Variants in SLC71A2 observed in about 807,000 individuals in gnomAD.
SLC71A2 encodes solute carrier family 71 member 2, also known as hippocampus abundant transcript-like 1.
At chr9:94,444,796 T>C in the SLC71A2 span, among the ~76,000 whole-genome samples, 1 of 152,254 alleles carries the variant, frequency 6.6e-6, no homozygotes, top group Admixed American at 6.5e-5. Flanking sequence ...ATTTCTTTTG[T>C]CTTACTTAAA....
chr9:94,456,349 G>A, the SLC71A2 span: 1 of 1,606,218 alleles, frequency 6.2e-7, no homozygotes, highest in Non-Finnish European at 8.5e-7. Context: ...TGAGGTCACT[G>A]CCCCCCACTT....
At chr9:94,455,783 G>A in the SLC71A2 span, among the ~76,000 whole-genome samples, 2 of 152,286 alleles carry the variant, frequency 1.3e-5, no homozygotes, top group Admixed American at 1.3e-4. Context: ...TGTTTTTCCA[G>A]TTGGGGGCAC....
the SLC71A2 span, among the ~76,000 whole-genome samples, chr9:94,437,485 C>T: frequency 1.6e-4 from 24 of 152,208 alleles, no homozygotes; most frequent in Admixed American, 1.5e-3. Flanking sequence ...CTATGTCAGA[C>T]TCTCTTCCCC....
At chr9:94,375,044 C>T in the SLC71A2 span, 1 of 636,454 alleles carries the variant, frequency 1.6e-6, no homozygotes, top group Admixed American at 4.7e-5. Context: ...AAAGTCGGTC[C>T]TTTTCTGGGG....
the SLC71A2 span, among the ~76,000 whole-genome samples, chr9:94,417,869 C>T: frequency 3.5e-5 from 3 of 85,160 alleles, no homozygotes; most frequent in Non-Finnish European, 2.5e-5. Context: ...CCCCCCCCCC[C>T]CCCCCCCGAC....
the SLC71A2 span, among the ~76,000 whole-genome samples, chr9:94,406,637 C>G: frequency 6.0e-3 from 912 of 152,258 alleles, 7 homozygotes; most frequent in African/African-American, 0.02. Flanking sequence ...CCTCCCAAAA[C>G]ATTAGGATTA....
the SLC71A2 span, among the ~76,000 whole-genome samples, chr9:94,423,607 TGGG>T: frequency 6.6e-6 from 1 of 152,052 alleles, no homozygotes; most frequent in African/African-American, 2.4e-5. Context: ...ACTAGTTCTG[TGGG>T]TCTCTTGCTA....
the SLC71A2 span, among the ~76,000 whole-genome samples, chr9:94,376,623 C>T: frequency 7.5e-6 from 1 of 132,534 alleles, no homozygotes; most frequent in Non-Finnish European, 1.6e-5. Flanking sequence ...GTTAACGTAA[C>T]TCCTGATTAA....
At chr9:94,445,307 A>G in the SLC71A2 span, 1 of 744,342 alleles carries the variant, frequency 1.3e-6, no homozygotes, top group South Asian at 1.9e-5. Context: ...AAAAATAGAA[A>G]AAATTAATTG....
At chr9:94,459,606 T>C in the SLC71A2 span, 5 of 563,492 alleles carry the variant, frequency 8.9e-6, no homozygotes, top group Admixed American at 6.2e-5. Flanking sequence ...TTTTTTTTTT[T>C]CCTGTTTATA....
the SLC71A2 span, among the ~76,000 whole-genome samples, chr9:94,410,723 ATAAAAT>A: frequency 6.6e-6 from 1 of 152,196 alleles, no homozygotes; most frequent in African/African-American, 2.4e-5. Context: ...GAAATACAAA[ATAAAAT>A]TAAATAACCA....
the SLC71A2 span, among the ~76,000 whole-genome samples, chr9:94,383,933 T>C: frequency 6.6e-6 from 1 of 152,318 alleles, no homozygotes; most frequent in African/African-American, 2.4e-5. Flanking sequence ...TTTTAAAATT[T>C]AAATTCACAA....
the SLC71A2 span, among the ~76,000 whole-genome samples, chr9:94,427,733 G>C: frequency 6.8e-6 from 1 of 148,098 alleles, no homozygotes; most frequent in Non-Finnish European, 1.5e-5. Context: ...GGAAGCCTGT[G>C]GGGAAAGGGA....
At chr9:94,396,774 T>G in the SLC71A2 span, among the ~76,000 whole-genome samples, 3 of 152,172 alleles carry the variant, frequency 2.0e-5, no homozygotes, top group Admixed American at 6.6e-5. Context: ...CTAATATATT[T>G]TTTTTCTTTT....
chr9:94,440,750 CTTCTT>C, the SLC71A2 span, among the ~76,000 whole-genome samples: 4 of 151,996 alleles, frequency 2.6e-5, no homozygotes, highest in African/African-American at 9.7e-5. Context: ...TGTTTTTCCT[CTTCTT>C]TTGTTTTTTT....
At chr9:94,421,070 C>A in the SLC71A2 span, among the ~76,000 whole-genome samples, 1 of 148,556 alleles carries the variant, frequency 6.7e-6, no homozygotes, top group African/African-American at 2.5e-5. Context: ...GTCCTAAAAA[C>A]TAGAAAATAG....
chr9:94,441,996 T>C, the SLC71A2 span, among the ~76,000 whole-genome samples: 1 of 152,198 alleles, frequency 6.6e-6, no homozygotes, highest in African/African-American at 2.4e-5. Flanking sequence ...TGGATGTGCA[T>C]GTGTGGGCAT....
At chr9:94,422,136 G>A in the SLC71A2 span, among the ~76,000 whole-genome samples, 13 of 152,240 alleles carry the variant, frequency 8.5e-5, no homozygotes, top group South Asian at 1.5e-3. Context: ...CACCCGCTTC[G>A]GACTCCCAAA....
the SLC71A2 span, among the ~76,000 whole-genome samples, chr9:94,436,101 T>C: frequency 6.6e-6 from 1 of 152,258 alleles, no homozygotes; most frequent in African/African-American, 2.4e-5. Flanking sequence ...GTGTAAATAG[T>C]TGTTACACTG....
Sources: allele counts gnomAD v4.1 joint callset (sites outside exome capture counted in the v4.1 genomes callset), GRCh38; gene constraint gnomAD v4.1.1; transcripts MANE v1.5; gene names NCBI Gene and HGNC (gene_info 2026-07-23, HGNC 2026-07-21).